Variants in PDE4B observed in about 807,000 individuals in gnomAD.
The protein encoded by PDE4B is phosphodiesterase 4B.
A neutral mutation model predicts 82.2 loss-of-function variants in PDE4B; 20 were observed. The observed-to-expected ratio is 0.24, with a 90% CI of 0.17 to 0.35. The LOEUF is 0.35. Among genes scored for constraint, PDE4B ranks in the 10% least tolerant of loss-of-function variants. The pLI, the probability that PDE4B is intolerant of heterozygous loss-of-function variation, is 1.00. For missense variants in PDE4B, 655 were observed against 907.2 expected (o/e 0.72, Z 3.57); for synonymous variants, 320 against 318.9 (o/e 1.00, Z -0.04).
chr1:65,958,611 CTG>C (rs983882678), intron 3 of PDE4B, among the ~76,000 whole-genome samples: 3 of 152,020 alleles, frequency 2.0e-5, no homozygotes, highest in African/African-American at 4.8e-5. Context: ...TTTTTTAAAA[CTG>C]TGATTCGTTT....
At chr1:65,903,608 C>T (rs190918867) in intron 1 of PDE4B, among the ~76,000 whole-genome samples, 16 of 151,888 alleles carry the variant, frequency 1.1e-4, no homozygotes, top group African/African-American at 3.6e-4. Context: ...TTTAAAAAAA[C>T]AAAAATAAAT....
At chr1:66,204,025 A>C (rs978031122) in intron 3 of PDE4B, among the ~76,000 whole-genome samples, 1 of 152,022 alleles carries the variant, frequency 6.6e-6, no homozygotes, top group African/African-American at 2.4e-5. Context: ...ATGGGTTTTT[A>C]GTGTGGATGT....
intron 8 of PDE4B, chr1:66,355,021 CT>C: frequency 2.6e-6 from 2 of 755,642 alleles, no homozygotes; most frequent in Non-Finnish European, 4.3e-6. Context: ...ACTGGGACCT[CT>C]TATTTTGAAA....
At chr1:66,045,023 C>T (rs1229631159) in intron 3 of PDE4B, among the ~76,000 whole-genome samples, 3 of 151,484 alleles carry the variant, frequency 2.0e-5, no homozygotes, top group Admixed American at 2.0e-4. Flanking sequence ...ATAAAATAAC[C>T]AGCCACTATA....
At chr1:66,155,394 C>A (rs895960450) in intron 3 of PDE4B, among the ~76,000 whole-genome samples, 18 of 152,118 alleles carry the variant, frequency 1.2e-4, no homozygotes, top group African/African-American at 4.3e-4. Context: ...CAGACACTCA[C>A]TGCCTCATGA....
At chr1:66,136,294 T>C (rs1315338096) in intron 3 of PDE4B, among the ~76,000 whole-genome samples, 2 of 152,190 alleles carry the variant, frequency 1.3e-5, no homozygotes, top group Non-Finnish European at 2.9e-5. Context: ...AAAACCAAAG[T>C]AGAATGAACC....
chr1:66,367,030 G>A (rs187478492), intron 13 of PDE4B, among the ~76,000 whole-genome samples: 20 of 152,302 alleles, frequency 1.3e-4, no homozygotes, highest in Admixed American at 1.1e-3. Context: ...AAAGATGCCT[G>A]TGATTCTTCT....
intron 16 of PDE4B, among the ~76,000 whole-genome samples, chr1:66,370,241 T>G (rs1216099977): frequency 6.6e-6 from 1 of 151,736 alleles, no homozygotes; most frequent in Non-Finnish European, 1.5e-5. Flanking sequence ...TTAACATTGT[T>G]AATGAGGGTT....
At chr1:66,219,135 T>C (rs909246052) in intron 3 of PDE4B, among the ~76,000 whole-genome samples, 1 of 152,132 alleles carries the variant, frequency 6.6e-6, no homozygotes, top group Admixed American at 6.6e-5. Context: ...GCTTCTCAAA[T>C]ACAGGCTCAA....
Position 66,108,304 on chromosome 1 carries a change from C to T in PDE4B, c.282-139156C>T, listed in dbSNP as rs374730054. On this transcript the variant is annotated intron_variant, in intron 3 of 16. Transcript: ENST00000341517. ...GATTTCTTTTTTTTAGATTCATCCA[C>T]TTGGATTAAAAACTAAAACATAAGA... Among the ~76,000 whole-genome samples, 333 of 151,938 alleles carry T rather than the reference C, an allele frequency of 2.2e-3. 2 individuals are homozygous for T. The highest frequency in any genetic ancestry group is 7.6e-3 in the African/African-American group (317 of 41,500).
intron 7 of PDE4B, among the ~76,000 whole-genome samples, chr1:66,308,171 T>C (rs755307743): frequency 2.9e-4 from 44 of 151,962 alleles, no homozygotes; most frequent in Non-Finnish European, 5.7e-4. Context: ...AAATGCAAAA[T>C]TGGGCAGATA....
rs1370379422 is a variant in PDE4B, at chr1:65,792,921, G to T, written c.-398G>T. Among the ~76,000 whole-genome samples, 1 of 151,910 alleles carries T rather than the reference G, an allele frequency of 6.6e-6. No homozygotes were observed. The highest frequency in any genetic ancestry group is 1.5e-5 in the Non-Finnish European group (1 of 67,930). ...GAGGACGAGAGAAGAGCTGAGGGGC[G>T]CGTCGCCAGCGCCTGTGTCTCCCTG... On this transcript the variant is annotated 5_prime_UTR_variant, in exon 1 of 17. Transcript: ENST00000341517.
intron 3 of PDE4B, among the ~76,000 whole-genome samples, chr1:66,057,073 G>A (rs1655340654): frequency 6.6e-6 from 1 of 152,264 alleles, no homozygotes; most frequent in South Asian, 2.1e-4. Flanking sequence ...AGCATAATCT[G>A]TAGTAATATA....
At chr1:66,062,601 G>A (rs1368480431) in intron 3 of PDE4B, among the ~76,000 whole-genome samples, 1 of 152,040 alleles carries the variant, frequency 6.6e-6, no homozygotes, top group Non-Finnish European at 1.5e-5. Flanking sequence ...TAAAAGTTCA[G>A]CTATGAAATA....
chr1:66,200,896 G>A (rs1394933522), intron 3 of PDE4B, among the ~76,000 whole-genome samples: 3 of 152,138 alleles, frequency 2.0e-5, no homozygotes, highest in Non-Finnish European at 4.4e-5. Context: ...AATAGGAGTG[G>A]TGAGAGAGGA....
chr1:65,966,941 A>G (rs936439176), intron 3 of PDE4B, among the ~76,000 whole-genome samples: 2 of 152,224 alleles, frequency 1.3e-5, no homozygotes, highest in African/African-American at 4.8e-5. Flanking sequence ...ACCCTAGAAG[A>G]AAACCTAGGC....
At chr1:65,996,403 G>A (rs369407478) in intron 3 of PDE4B, among the ~76,000 whole-genome samples, 1 of 151,798 alleles carries the variant, frequency 6.6e-6, no homozygotes, top group East Asian at 1.9e-4. Context: ...GAGCCTGCAT[G>A]AATCTGAAGA....
intron 1 of PDE4B, among the ~76,000 whole-genome samples, chr1:65,794,332 A>T (rs1318618520): frequency 1.3e-5 from 2 of 152,126 alleles, no homozygotes; most frequent in African/African-American, 4.8e-5. Flanking sequence ...AAAGTAATAA[A>T]TGTCCAGATA....
intron 3 of PDE4B, among the ~76,000 whole-genome samples, chr1:65,985,694 C>G (rs1650921471): frequency 6.6e-6 from 1 of 152,090 alleles, no homozygotes; most frequent in South Asian, 2.1e-4. Flanking sequence ...TCTGACTCAT[C>G]CTTGCTAATA....
Sources: gnomAD v4.1 joint callset for allele counts (sites outside exome capture counted in the v4.1 genomes callset) on GRCh38, gnomAD v4.1.1 for gene constraint, MANE v1.5 for transcripts, NCBI Gene and HGNC (gene_info 2026-07-23, HGNC 2026-07-21) for gene names.